The following VRTN variants were observed in gnomAD, a reference collection of about 807,000 sequenced individuals.
The protein encoded by VRTN is vertnin.
Under a neutral mutation model 18.2 loss-of-function variants are expected in VRTN, and 5 were observed. That is an observed-to-expected ratio of 0.27 (90% CI 0.14 to 0.58). VRTN has a LOEUF of 0.58. Ranked by LOEUF, VRTN falls within the 20% of genes least tolerant of loss-of-function variation. The probability of loss-of-function intolerance (pLI) is 0.91; values close to 1 mark genes in which losing one functional copy is unlikely to be tolerated. For synonymous variants in VRTN, 381 were observed against 393.7 expected, an observed-to-expected ratio of 0.97 and a Z score of 0.38; for missense variants, 741 against 939.4, an observed-to-expected ratio of 0.79 and a Z score of 2.76.
intron 1 of VRTN, among the ~76,000 whole-genome samples, chr14:74,314,618 G>A (rs1034893978): frequency 2.6e-5 from 4 of 151,750 alleles, no homozygotes; most frequent in African/African-American, 7.3e-5. Context: ...TAGCCAGGAT[G>A]GTCTCTATCT....
At position 74,357,429 on chromosome 14, in the gene VRTN, T is replaced by A. The variant is rs758461512; in HGVS notation, c.646T>A (p.Ser216Thr). 1 of 1,612,450 alleles carries A rather than the reference T, an allele frequency of 6.2e-7. No homozygotes were observed. Among genetic ancestry groups the A allele is most frequent in the Non-Finnish European group, 8.5e-7 (1 of 1,180,008 alleles). ...IRPRRCDHVP[S>T]TLHIMWAGQP... The stretch of plus-strand genomic sequence containing the variant: ...GCCCCGCCGCTGCGACCACGTGCCC[T>A]CCACGCTGCACATCATGTGGGCTGG... Residue 216 changes from serine (S) to threonine (T), a missense_variant, in exon 2 of 2, where the codon TCC becomes ACC. By Grantham distance (58) the Ser-to-Thr change is moderately conservative (BLOSUM62 1). Coordinates refer to ENST00000256362, the MANE Select transcript of VRTN (RefSeq NM_018228.3). This position sits in a 1 kb window ranked among gnomAD's most constrained non-coding sequence, Gnocchi z 7.8.
intron 1 of VRTN, among the ~76,000 whole-genome samples, chr14:74,331,633 A>T (rs2085526684): frequency 7.1e-6 from 1 of 140,224 alleles, no homozygotes; most frequent in African/African-American, 2.6e-5. Flanking sequence ...CTGATATAGT[A>T]GAAGTCCTCA....
chr14:74,310,834 G>C (rs112238536), intron 1 of VRTN, among the ~76,000 whole-genome samples: 4 of 151,068 alleles, frequency 2.6e-5, no homozygotes, highest in Non-Finnish European at 5.9e-5. Context: ...CACTGCACCC[G>C]GTGAGGTTTT....
upstream of VRTN, among the ~76,000 whole-genome samples, chr14:74,345,281 CTGA>C (rs766128459): frequency 4.0e-5 from 6 of 151,074 alleles, no homozygotes; most frequent in Non-Finnish European, 8.8e-5. Flanking sequence ...CTGGGCTCAA[CTGA>C]TCCTTCTGCC....
At chr14:74,303,147 A>G (rs566021419) in exon 1 of VRTN, 130 of 439,312 alleles carry the variant, frequency 3.0e-4, no homozygotes, top group Middle Eastern at 5.1e-4. Flanking sequence ...CCTTTTGACA[A>G]TAGGTATCCG....
intron 1 of VRTN, among the ~76,000 whole-genome samples, chr14:74,313,272 G>A (rs1407769098): frequency 1.3e-5 from 2 of 151,996 alleles, no homozygotes; most frequent in Non-Finnish European, 2.9e-5. Context: ...ACACTTCTGT[G>A]ATGAATGAAG....
intron 1 of VRTN, among the ~76,000 whole-genome samples, chr14:74,329,998 A>G (rs1272423259): frequency 2.0e-5 from 3 of 151,450 alleles, no homozygotes; most frequent in African/African-American, 7.3e-5. Context: ...CAGTCTCCTG[A>G]GTAGCTGGGA....
At position 74,358,431 on chromosome 14, in the gene VRTN, G is replaced by T; in HGVS notation, c.1648G>T (p.Gly550Cys). The part of the protein sequence containing the change: ...AFWVWKSLAR[G>C]WPRGLSKLQV... ...TTGGGTCTGGAAGAGTCTTGCTCGG[G>T]GTTGGCCCAGAGGCCTGTCCAAACT... is the stretch of plus-strand genomic sequence containing the variant. The change falls in exon 2 of 2, where the codon GGT (glycine) becomes TGT (cysteine). Residue 550 changes from glycine to cysteine, a missense_variant. By Grantham distance (159) the Gly-to-Cys change is radical. Coordinates refer to ENST00000256362, the MANE Select transcript of VRTN (RefSeq NM_018228.3). The surrounding 1 kb of genome is among the most constrained non-coding windows in gnomAD (Gnocchi z 5.4). 1 of 1,614,174 alleles carries T rather than the reference G, an allele frequency of 6.2e-7. No homozygotes were observed. The highest frequency in any genetic ancestry group is 8.5e-7 in the Non-Finnish European group (1 of 1,180,042).
intron 1 of VRTN, among the ~76,000 whole-genome samples, chr14:74,327,006 T>A (rs1480828995): frequency 1.3e-5 from 2 of 152,094 alleles, no homozygotes; most frequent in Non-Finnish European, 2.9e-5. Context: ...TGCCTGTCAC[T>A]TTGTGCTCCT....
At chr14:74,350,076 T>C (rs1339968459) in intron 1 of VRTN, among the ~76,000 whole-genome samples, 1 of 152,188 alleles carries the variant, frequency 6.6e-6, no homozygotes, top group Non-Finnish European at 1.5e-5. Context: ...AACCGGCTTG[T>C]CTGCTTTGCA....
intron 1 of VRTN, among the ~76,000 whole-genome samples, chr14:74,329,927 C>T (rs1451707049): frequency 6.8e-6 from 1 of 147,832 alleles, no homozygotes; most frequent in African/African-American, 2.5e-5. Flanking sequence ...GGCTGGAGTG[C>T]GGTGGCACTA....
At chr14:74,306,172 ATTTTTTTT>A (rs869043692) in intron 1 of VRTN, 1 of 75,640 alleles carries the variant, frequency 1.3e-5, no homozygotes, top group African/African-American at 4.8e-5. Flanking sequence ...ATATATATAT[ATTTTTTTT>A]TTTTTTTTGA....
At chr14:74,332,894 A>C (rs1387156849) in intron 1 of VRTN, among the ~76,000 whole-genome samples, 1 of 152,102 alleles carries the variant, frequency 6.6e-6, no homozygotes, top group East Asian at 1.9e-4. Context: ...CTTCTTCAGG[A>C]AACTTTCCTG....
chr14:74,354,872 C>T (rs1302583678), intron 1 of VRTN, among the ~76,000 whole-genome samples: 3 of 151,776 alleles, frequency 2.0e-5, no homozygotes, highest in Non-Finnish European at 2.9e-5. Context: ...CTGGGCGTGA[C>T]GGCTCACACC....
intron 1 of VRTN, among the ~76,000 whole-genome samples, chr14:74,312,228 A>G (rs1252514029): frequency 6.6e-6 from 1 of 152,186 alleles, no homozygotes; most frequent in African/African-American, 2.4e-5. Flanking sequence ...GTCTCTTGCT[A>G]TTACATATAA....
At chr14:74,314,394 C>CTTT (rs10676222) in intron 1 of VRTN, among the ~76,000 whole-genome samples, 17,125 of 108,634 alleles carry the variant, frequency 0.16, 2,149 homozygotes, top group East Asian at 0.45. Context: ...AAAAACTGTT[C>CTTT]TTTTTTTTTT....
In VRTN at chr14:74,357,856, G is replaced by A. The variant is rs1378355642; in HGVS notation, c.1073G>A (p.Gly358Asp). 6.8e-6 allele frequency: 11 copies of A among 1,613,536 alleles called. No individual in the cohort carries two copies. Among genetic ancestry groups the A allele is most frequent in the African/African-American group, 2.7e-5 (2 of 75,070 alleles). ...TGGAAGCATGAGCTGCTGGGCTCTG[G>A]CACCTGCCCGGCCTTGCCCCCCAGG... ...YAWKHELLGS[G>D]TCPALPPREV... Residue 358 changes from glycine (G) to aspartate (D), a missense_variant, in exon 2 of 2, where the codon GGC becomes GAC. Coordinates refer to ENST00000256362, the MANE Select transcript of VRTN (RefSeq NM_018228.3). This position sits in a 1 kb window ranked among gnomAD's most constrained non-coding sequence, Gnocchi z 7.8.
At chr14:74,342,775 G>A (rs957880943) in intron 2 of VRTN, among the ~76,000 whole-genome samples, 27 of 151,966 alleles carry the variant, frequency 1.8e-4, no homozygotes, top group African/African-American at 6.5e-4. Flanking sequence ...ACACCACACA[G>A]GGCTAACTTT....
intron 1 of VRTN, among the ~76,000 whole-genome samples, chr14:74,312,050 A>G (rs529126417): frequency 1.3e-5 from 2 of 152,086 alleles, no homozygotes; most frequent in Non-Finnish European, 2.9e-5. Flanking sequence ...GGTTACAGGC[A>G]TGAGCCACCG....
Sources: gnomAD v4.1 joint callset for allele counts (sites outside exome capture counted in the v4.1 genomes callset) on GRCh38, gnomAD v4.1.1 for gene constraint, Gnocchi (gnomAD v3.1) non-coding constraint, MANE v1.5 for transcripts, NCBI Gene and HGNC (gene_info 2026-07-23, HGNC 2026-07-21) for gene names.